Variants in MYO15B observed in about 807,000 individuals in gnomAD.
The protein encoded by MYO15B is myosin XVB.
MYO15B carries 207 observed loss-of-function variants against 119.3 expected under a neutral mutation model. The observed-to-expected ratio is 1.73, with a 90% CI of 1.55 to 1.95. The LOEUF is 1.95. Ranked by LOEUF, MYO15B falls within the 30% of genes most tolerant of loss-of-function variation. The pLI is 0.00. For missense variants in MYO15B, 2,264 were observed against 1,203.1 expected (o/e 1.88, Z -13.04); for synonymous variants, 966 against 498.9 (o/e 1.94, Z -12.48).
At chr17:75,598,895 T>C (rs1270288517) in intron 14 of MYO15B, among the ~76,000 whole-genome samples, 1 of 152,162 alleles carries the variant, frequency 6.6e-6, no homozygotes, top group Non-Finnish European at 1.5e-5. Flanking sequence ...GTCTATGTTA[T>C]GTGACATGTA....
chr17:75,590,291 C>T, intron 1 of MYO15B, 48 bp downstream of exon 1: 1 of 399,042 alleles, frequency 2.5e-6, no homozygotes, highest in Non-Finnish European at 4.4e-6. Flanking sequence ...CACAGCTCCT[C>T]ATATCCACCC....
intron 16 of MYO15B, 88 bp from the exon 17 acceptor site, chr17:75,602,742 C>T (rs903066248): frequency 1.7e-5 from 10 of 604,022 alleles, no homozygotes; most frequent in East Asian, 5.5e-5. Context: ...GTCTGGATGC[C>T]GAGGGCTGGT....
chr17:75,624,996 C>T (rs1223113035), intron 59 of MYO15B, 80 bp downstream of exon 59: 3 of 679,412 alleles, frequency 4.4e-6, no homozygotes, highest in Non-Finnish European at 8.1e-6. Context: ...GCCCCTCTCC[C>T]CACAAGGGTG....
intron 41 of MYO15B, 61 bp from the exon 42 acceptor site, chr17:75,617,748 GC>G: frequency 1.5e-6 from 1 of 660,326 alleles, no homozygotes; most frequent in Non-Finnish European, 2.8e-6. Context: ...TCCCTCCCGT[GC>G]CCCCATCACT....
intron 14 of MYO15B, among the ~76,000 whole-genome samples, chr17:75,599,451 C>CT (rs550713664): frequency 0.02 from 3,017 of 150,114 alleles, 51 homozygotes; most frequent in Non-Finnish European, 0.026. Flanking sequence ...ATTTTTTTTT[C>CT]TTTTTTTTTG....
At chr17:75,590,002 C>T in exon 1 of MYO15B, 1 of 398,816 alleles carries the variant, frequency 2.5e-6, no homozygotes. Flanking sequence ...GGGTCCTAGG[C>T]TTGGCGCCGC....
At chr17:75,600,512 A>G (rs541872358) in intron 14 of MYO15B, 188 of 151,170 alleles carry the variant, frequency 1.2e-3, no homozygotes, top group African/African-American at 4.3e-3. Flanking sequence ...CAGTGACACC[A>G]TCATAGCTTA....
In MYO15B at chr17:75,594,849, G is replaced by GGCCAA. The variant is rs1217746151; in HGVS notation, c.3176_3180dup (p.Ala1061ProfsTer13). ...CCCGCCATGCCTACAGGGACGCCCTGGCCAAGGCACTGTATTCCCGCCTCT... is the reference window on the plus strand; with the variant it reads ...CCCGCCATGCCTACAGGGACGCCCTGGCCAAGCCAAGGCACTGTATTCCCGCCTCT... On this transcript the variant is annotated frameshift_variant, in exon 12 of 64. Transcript: ENST00000645453. LOFTEE classifies it high-confidence loss of function. The GGCCAA allele has an allele frequency of 1.0e-5, 7 of 702,962 alleles. No individual in the cohort carries two copies. The highest frequency in any genetic ancestry group is 1.8e-5 in the Non-Finnish European group (7 of 385,014). The allele number at this position is 702,962 out of a possible 1,614,324, so 43.5% of individuals were successfully genotyped here.
At chr17:75,600,412 A>G (rs2057183142) in intron 14 of MYO15B, among the ~76,000 whole-genome samples, 1 of 140,362 alleles carries the variant, frequency 7.1e-6, no homozygotes, top group Non-Finnish European at 1.5e-5. Flanking sequence ...TCTGTACTAA[A>G]GTGCCCCATC....
Position 75,625,188 on chromosome 17 carries a change from G to GCTGGC in MYO15B, c.8756_8760dup (p.Ala2921TrpfsTer21). 2 of 702,620 alleles carry GCTGGC rather than the reference G, an allele frequency of 2.8e-6. No individual in the cohort carries two copies. Among genetic ancestry groups the GCTGGC allele is most frequent in the Non-Finnish European group, 5.2e-6 (2 of 384,766 alleles). 43.5% of individuals were successfully genotyped at this position (702,620 alleles called of 1,614,324 possible). ...CCAAGGCAGACGCGCAGCTCGCCAG[G>GCTGGC]CTGGCCGCCCTGCAGCACCTCAGCA... On this transcript the variant is annotated frameshift_variant, in exon 60 of 64. Transcript: ENST00000645453. LOFTEE classifies it high-confidence loss of function.
At chr17:75,601,617 C>T in intron 15 of MYO15B, 54 bp downstream of exon 15, 1 of 685,952 alleles carries the variant, frequency 1.5e-6, no homozygotes, top group Non-Finnish European at 2.7e-6. Context: ...GTGTCCCCTC[C>T]CAAGCTGAGT....
rs551201882 is a variant in MYO15B, at chr17:75,626,423, ACAC to A, written c.9234_9236del (p.Thr3079del). The A allele has an allele frequency of 2.9e-4, 207 of 703,228 alleles. 2 individuals carry two copies. In the South Asian group the frequency reaches 3.0e-3, roughly 10 times the overall value. The allele number at this position is 703,228 out of a possible 1,614,324, so 43.6% of individuals were successfully genotyped here. On this transcript the variant is annotated inframe_deletion, in exon 64 of 64. Transcript: ENST00000645453. ...TCTGGGCAGGCCCAGGAGCTGCTAT[ACAC>A]CACTGTCTTCCTGATAGACAGCAGT...
exon 47 of MYO15B, chr17:75,619,894 G>A (rs1213870922): frequency 1.4e-6 from 1 of 702,196 alleles, no homozygotes; most frequent in Non-Finnish European, 2.6e-6. Flanking sequence ...CGGAGGTGCT[G>A]GGTGTGGAGT....
Position 75,601,561 on chromosome 17 carries a change from C to T in MYO15B, c.3649C>T (p.Gln1217Ter), listed in dbSNP as rs962351148. 7.1e-6 allele frequency: 5 copies of T among 702,940 alleles called. No individual in the cohort carries two copies. The highest frequency in any genetic ancestry group is 3.5e-5 in the African/African-American group (2 of 57,268). The allele number at this position is 702,940 out of a possible 1,614,324, so 43.5% of individuals were successfully genotyped here. A position where few individuals can be genotyped will look rare whatever the true frequency, so the allele number is the denominator to read the frequency against. ...ACATTATGCAGGGACTGTCACCTAC[C>T]AGGTACCTGGCCTCAGGGACAGACC... is the stretch of plus-strand genomic sequence containing the variant. Residue 1217 changes from glutamine (Q) to a stop codon, truncating the protein, a stop_gained and splice_region_variant, in exon 15 of 64, where the codon CAG (glutamine) becomes TAG (stop). Coordinates refer to ENST00000645453, the Ensembl canonical transcript of MYO15B. LOFTEE classifies it high-confidence loss of function.
chr17:75,624,338 T>C (rs1234918152), intron 56 of MYO15B, 32 bp from the exon 57 acceptor site: 6 of 702,700 alleles, frequency 8.5e-6, no homozygotes, highest in African/African-American at 1.7e-5. Flanking sequence ...AGGAGACCAC[T>C]GGCCGACTGA....
At chr17:75,592,458 T>A in exon 8 of MYO15B, 1 of 613,326 alleles carries the variant, frequency 1.6e-6, no homozygotes, top group South Asian at 1.9e-5. Flanking sequence ...CCATGTTTTT[T>A]ACAAGCTGCT....
At chr17:75,622,909 G>C (rs2058789098) in intron 53 of MYO15B, among the ~76,000 whole-genome samples, 1 of 152,166 alleles carries the variant, frequency 6.6e-6, no homozygotes, top group African/African-American at 2.4e-5. Flanking sequence ...CTGGAGGCAG[G>C]CACCAGGAGT....
intron 39 of MYO15B, 24 bp downstream of exon 39, chr17:75,616,809 C>G (rs1266856304): frequency 1.4e-6 from 1 of 703,060 alleles, no homozygotes; most frequent in East Asian, 2.7e-5. Flanking sequence ...GGGAGGTGGC[C>G]AGGGCTGTCC....
At chr17:75,607,655 C>T (rs2147924158) in intron 21 of MYO15B, among the ~76,000 whole-genome samples, 3 of 152,084 alleles carry the variant, frequency 2.0e-5, no homozygotes, top group South Asian at 4.1e-4. Context: ...GACGGGGTTT[C>T]ACCATGTTGG....
Sources: allele counts gnomAD v4.1 joint callset (sites outside exome capture counted in the v4.1 genomes callset), GRCh38; gene constraint gnomAD v4.1.1; transcripts MANE v1.5; gene names NCBI Gene and HGNC (gene_info 2026-07-23, HGNC 2026-07-21).